Variants in ABCG8 observed in about 807,000 individuals in gnomAD.
The protein encoded by ABCG8 is ATP-binding cassette sub-family G member 8.
In ABCG8, 81 loss-of-function variants were observed where a neutral mutation model predicts 71.3. That is an observed-to-expected ratio of 1.14 (90% confidence interval 0.95 to 1.37). The LOEUF (loss-of-function observed/expected upper bound fraction) is 1.37. Among genes scored for constraint, ABCG8 ranks in the 40% most tolerant of loss-of-function variants. ABCG8 has a pLI of 0.00. For missense variants in ABCG8, 1,119 were observed against 866.2 expected (o/e 1.29, Z -3.66); for synonymous variants, 451 against 354.7 (o/e 1.27, Z -3.05).
chr2:43,863,989 T>G (rs780249913), intron 6 of ABCG8, among the ~76,000 whole-genome samples: 4 of 151,018 alleles, frequency 2.6e-5, no homozygotes, highest in Non-Finnish European at 5.9e-5. Flanking sequence ...AATCTGGATA[T>G]AATTCTCACT....
At position 43,878,862 on chromosome 2, in the gene ABCG8, G is replaced by T. The variant is rs892603832; in HGVS notation, c.*949G>T. 1 of 152,186 alleles carries T rather than the reference G, an allele frequency of 6.6e-6. No individual in the cohort carries two copies. The highest frequency in any genetic ancestry group is 6.5e-5 in the Admixed American group (1 of 15,276). 9.4% of individuals were successfully genotyped at this position (152,186 alleles called of 1,614,324 possible). A position where few individuals can be genotyped will look rare whatever the true frequency, so the allele number is the denominator to read the frequency against. ...CCAGATGGAGATAATTGAATCATAG[G>T]GGTGGTTTCTCTGATGCTGTTCTCC... On this transcript the variant is annotated 3_prime_UTR_variant, in exon 13 of 13. Transcript: ENST00000272286.
At chr2:43,860,955 T>C (rs1361172183) in intron 6 of ABCG8, among the ~76,000 whole-genome samples, 2 of 149,256 alleles carry the variant, frequency 1.3e-5, no homozygotes, top group East Asian at 3.9e-4. Context: ...TATATCTGGA[T>C]ATAATTCTCA....
At chr2:43,855,057 G>A (rs951906456) in intron 6 of ABCG8, among the ~76,000 whole-genome samples, 8 of 152,168 alleles carry the variant, frequency 5.3e-5, no homozygotes, top group African/African-American at 9.7e-5. Context: ...TCCTGCTTTC[G>A]GCAGGGTGCC....
intron 6 of ABCG8, among the ~76,000 whole-genome samples, chr2:43,863,312 ACTAT>A (rs1306724899): frequency 7.0e-6 from 1 of 142,342 alleles, no homozygotes; most frequent in Non-Finnish European, 1.6e-5. Flanking sequence ...TAGAACTCTC[ACTAT>A]CTATCTGGAT....
Position 43,873,925 on chromosome 2 carries a change from C to T in ABCG8, c.1350C>T (p.Ala450=). Residue 450 remains alanine, a synonymous_variant, in exon 9 of 13, where the codon GCC becomes GCT. Coordinates refer to ENST00000272286, the MANE Select transcript of ABCG8 (RefSeq NM_022437.3). The stretch of plus-strand genomic sequence containing the variant: ...AGCTCTCCTTCATGGATACAGCCGC[C>T]CTCTTGTTCATGATCGGTGCTCTCA... ...SIQLSFMDTA[A]LLFMIGALIP... is the part of the protein sequence containing the mutation. 1 of 1,614,108 alleles carries T rather than the reference C, an allele frequency of 6.2e-7. No individual in the cohort carries two copies. The highest frequency in any genetic ancestry group is 8.5e-7 in the Non-Finnish European group (1 of 1,180,024).
chr2:43,846,203 A>C lies in ABCG8; in HGVS notation c.214A>C (p.Lys72Gln), dbSNP rs1668737956. The change falls in exon 3 of 13, where the codon AAG (lysine) becomes CAG (glutamine). Residue 72 changes from lysine (K) to glutamine (Q), a missense_variant. Coordinates refer to ENST00000272286, the MANE Select transcript of ABCG8 (RefSeq NM_022437.3). ...TTGGTTTGAGCAGCTGGCTCAGTTC[A>C]AGATGCCCTGGACATCTCCCAGCTG... ...VPWFEQLAQF[K>Q]MPWTSPSCQN... 1.9e-6 allele frequency: 3 copies of C among 1,614,086 alleles called. No homozygotes were observed. Among genetic ancestry groups the C allele is most frequent in the Non-Finnish European group, 2.5e-6 (3 of 1,180,024 alleles).
At chr2:43,851,562 G>A (rs1668915085) in intron 3 of ABCG8, 22 bp from the exon 4 acceptor site, 4 of 1,613,874 alleles carry the variant, frequency 2.5e-6, no homozygotes, top group Non-Finnish European at 2.5e-6. Context: ...CGCTCTCAGG[G>A]ATATCCCTGG....
In ABCG8 at chr2:43,873,776, T is replaced by C. The variant is rs1271318021; in HGVS notation, c.1212-11T>C. ...CTGTTGCCTCAGCATCTCTTCCTTTTGGTTTTTAAGTCGTCAGATTTCCAA... is the reference window on the plus strand; with the variant it reads ...CTGTTGCCTCAGCATCTCTTCCTTTCGGTTTTTAAGTCGTCAGATTTCCAA... On this transcript the variant is annotated splice_polypyrimidine_tract_variant and intron_variant, in intron 8 of 12. Transcript: ENST00000272286. The C allele has an allele frequency of 1.2e-6, 2 of 1,613,990 alleles. No individual in the cohort carries two copies. Among genetic ancestry groups the C allele is most frequent in the African/African-American group, 2.7e-5 (2 of 74,916 alleles).
intron 6 of ABCG8, among the ~76,000 whole-genome samples, chr2:43,857,836 C>T (rs72796772): frequency 0.053 from 8,076 of 151,706 alleles, 287 homozygotes; most frequent in Admixed American, 0.12. Flanking sequence ...ACAATTTTCA[C>T]CATCCATGAA....
intron 6 of ABCG8, among the ~76,000 whole-genome samples, chr2:43,863,603 T>C (rs1669411066): frequency 6.6e-6 from 1 of 151,498 alleles, no homozygotes; most frequent in African/African-American, 2.4e-5. Context: ...GATAGAATTC[T>C]CACTATCTGT....
At chr2:43,853,912 T>A (rs1303295860) in intron 6 of ABCG8, among the ~76,000 whole-genome samples, 1 of 152,126 alleles carries the variant, frequency 6.6e-6, no homozygotes, top group African/African-American at 2.4e-5. Context: ...TTGCCCTCTG[T>A]ACTCACATTC....
chr2:43,881,700 T>A lies in ABCG8; in HGVS notation c.*3787T>A, dbSNP rs1670135119. 7.9e-6 allele frequency: 1 copy of A among 127,208 alleles called. No homozygotes were observed. The highest frequency in any genetic ancestry group is 8.1e-5 in the Admixed American group (1 of 12,296). 7.9% of individuals were successfully genotyped at this position (127,208 alleles called of 1,614,324 possible). On this transcript the variant is annotated 3_prime_UTR_variant, in exon 13 of 13. Transcript: ENST00000272286. ...CTCCAGCCTGGTGACAGAGCGATACTCTGTCTCAAAAAAAAAAAAAAAAAA... is the reference window on the plus strand; with the variant it reads ...CTCCAGCCTGGTGACAGAGCGATACACTGTCTCAAAAAAAAAAAAAAAAAA...
intron 1 of ABCG8, among the ~76,000 whole-genome samples, chr2:43,842,903 G>A (rs190896023): frequency 5.3e-5 from 8 of 152,044 alleles, no homozygotes; most frequent in East Asian, 3.9e-4. Context: ...GCACGCCTGC[G>A]GCATACTGTC....
At chr2:43,849,597 A>G (rs1282949092) in intron 3 of ABCG8, among the ~76,000 whole-genome samples, 3 of 152,058 alleles carry the variant, frequency 2.0e-5, no homozygotes, top group Non-Finnish European at 1.5e-5. Context: ...CCCAGATGCC[A>G]CAGGCATCCT....
chr2:43,864,922 C>CACTA (rs1669468398), intron 6 of ABCG8, among the ~76,000 whole-genome samples: 1 of 142,794 alleles, frequency 7.0e-6, no homozygotes, highest in Non-Finnish European at 1.6e-5. Flanking sequence ...AATTGTAACT[C>CACTA]TCTGCATATA....
rs552980481 is a variant in ABCG8 at position 43,864,474 on chromosome 2, CTCTA to C, written c.965-7493_965-7490del. ...TAGAATTCTCACTCTCTGGATAGAACTCTATCTATCTAGATAGAATTCTCACCCT... is the reference window on the plus strand; with the variant it reads ...TAGAATTCTCACTCTCTGGATAGAACTCTATCTAGATAGAATTCTCACCCT... On this transcript the variant is annotated intron_variant, in intron 6 of 12. Transcript: ENST00000272286. Among the ~76,000 whole-genome samples, 79 of 151,798 alleles carry C rather than the reference CTCTA, an allele frequency of 5.2e-4. 1 individual carries two copies. The East Asian group carries it at 0.013, about 25-fold the overall frequency.
At chr2:43,840,703 G>T (rs762898262) in intron 1 of ABCG8, among the ~76,000 whole-genome samples, 16 of 152,110 alleles carry the variant, frequency 1.1e-4, no homozygotes, top group Non-Finnish European at 2.1e-4. Flanking sequence ...AAATTCTAAG[G>T]CAACTTGGCT....
Position 43,879,763 on chromosome 2 carries a change from C to T in ABCG8, c.*1850C>T, listed in dbSNP as rs1415279324. 1 of 152,136 alleles carries T rather than the reference C, an allele frequency of 6.6e-6. No individual in the cohort carries two copies. The highest frequency in any genetic ancestry group is 1.9e-4 in the East Asian group (1 of 5,194). 9.4% of individuals were successfully genotyped at this position (152,136 alleles called of 1,614,324 possible). ...ATACTTGAGTTTGAAGGCTGTCTCT[C>T]AATTTGTGTTCTGCCCAGTGCATCC... On this transcript the variant is annotated 3_prime_UTR_variant, in exon 13 of 13. Transcript: ENST00000272286.
At chr2:43,842,748 C>G (rs1668619545) in intron 1 of ABCG8, among the ~76,000 whole-genome samples, 2 of 150,888 alleles carry the variant, frequency 1.3e-5, no homozygotes, top group South Asian at 4.3e-4. Flanking sequence ...CAGAGATAAC[C>G]CCTCTCCTGA....
Sources: gnomAD v4.1 joint callset for allele counts (sites outside exome capture counted in the v4.1 genomes callset) on GRCh38, gnomAD v4.1.1 for gene constraint, MANE v1.5 for transcripts, NCBI Gene and HGNC (gene_info 2026-07-23, HGNC 2026-07-21) for gene names.